Variants in APBB2 observed in about 807,000 individuals in gnomAD.
The protein encoded by APBB2 is Fe65-like 1.
In APBB2, 38 loss-of-function variants were observed where a neutral mutation model predicts 82.5. The observed-to-expected ratio is 0.46, with a 90% confidence interval of 0.36 to 0.60. APBB2 has a LOEUF of 0.60. Ranked by LOEUF, APBB2 falls within the 20% of genes least tolerant of loss-of-function variation. The pLI, the probability that APBB2 is intolerant of heterozygous loss-of-function variation, is 0.00. For synonymous variants in APBB2, 341 were observed against 368.2 expected, an observed-to-expected ratio of 0.93 and a Z score of 0.85; for missense variants, 772 against 972.3, an observed-to-expected ratio of 0.79 and a Z score of 2.74.
At chr4:41,113,849 G>A (rs1360434959) in intron 2 of APBB2, 1 of 152,138 alleles carries the variant, frequency 6.6e-6, no homozygotes, top group East Asian at 1.9e-4. Flanking sequence ...AGTACTTTGG[G>A]AGGCAGAGGT....
chr4:40,982,074 A>G (rs1460799467), intron 6 of APBB2, among the ~76,000 whole-genome samples: 2 of 151,280 alleles, frequency 1.3e-5, no homozygotes, highest in African/African-American at 4.9e-5. Context: ...AATCCCAGCT[A>G]CTTGGGAGGC....
At chr4:41,030,574 G>A (rs535742393) in intron 5 of APBB2, among the ~76,000 whole-genome samples, 18 of 152,172 alleles carry the variant, frequency 1.2e-4, no homozygotes, top group Non-Finnish European at 1.8e-4. Context: ...TCTCTTCCCT[G>A]CTCAATTTCT....
intron 6 of APBB2, among the ~76,000 whole-genome samples, chr4:40,959,254 G>A (rs924792335): frequency 1.3e-5 from 2 of 152,150 alleles, no homozygotes; most frequent in Non-Finnish European, 2.9e-5. Flanking sequence ...CAGGAGAAGA[G>A]AAGACAAAAT....
At position 40,866,769 on chromosome 4, in the gene APBB2, G is replaced by C. The variant is rs551869512; in HGVS notation, c.1529+23595C>G. 1.4e-3 allele frequency among the ~76,000 whole-genome samples: 218 copies of C among 152,128 alleles called. 1 individual carries two copies. Among genetic ancestry groups the C allele is most frequent in the African/African-American group, 5.0e-3 (207 of 41,498 alleles). On this transcript the variant is annotated intron_variant, in intron 12 of 17. Coordinates refer to ENST00000508593, the MANE Select transcript of APBB2 (RefSeq NM_004307.2). ...GTCTCGCTCTGTCACCCAGGCTGGA[G>C]TGCAGTGGTACGATCTCTACTCACT...
chr4:41,147,470 T>C (rs1407311574), intron 1 of APBB2, among the ~76,000 whole-genome samples: 1 of 150,480 alleles, frequency 6.6e-6, no homozygotes, highest in African/African-American at 2.4e-5. Context: ...GGATCTTCAA[T>C]GTTTGGCCAG....
intron 12 of APBB2, among the ~76,000 whole-genome samples, chr4:40,886,521 G>A (rs1486996152): frequency 6.6e-6 from 1 of 152,090 alleles, no homozygotes; most frequent in African/African-American, 2.4e-5. Flanking sequence ...TGTTTGCTTG[G>A]CTTTGGTACT....
In APBB2 at chr4:41,013,782, G is replaced by A; in HGVS notation, c.636C>T (p.Asn212=). 1 of 1,614,220 alleles carries A rather than the reference G, an allele frequency of 6.2e-7. No homozygotes were observed. Among genetic ancestry groups the A allele is most frequent in the South Asian group, 1.1e-5 (1 of 91,082 alleles). ...GNGDLLLQKP[N]RPQSSPEDGQ... The stretch of plus-strand genomic sequence containing the variant: ...CGTCTTCAGGGCTGGACTGGGGTCT[G>A]TTTGGTTTCTGCAGCAGCAAATCGC... Residue 212 remains asparagine (N), a synonymous_variant, in exon 6 of 18, where the codon AAC becomes AAT. Transcript: ENST00000508593.
At chr4:41,049,708 A>G (rs1265265633) in intron 4 of APBB2, among the ~76,000 whole-genome samples, 1 of 152,222 alleles carries the variant, frequency 6.6e-6, no homozygotes, top group Non-Finnish European at 1.5e-5. Context: ...AAATGTGGGG[A>G]AAAGATACAG....
chr4:41,079,387 C>T (rs921750930), intron 3 of APBB2, among the ~76,000 whole-genome samples: 4 of 152,098 alleles, frequency 2.6e-5, no homozygotes, highest in African/African-American at 9.7e-5. Flanking sequence ...AGATAGGTAG[C>T]CATCCACTGA....
At chr4:41,124,170 AC>A (rs1753714051) in intron 2 of APBB2, among the ~76,000 whole-genome samples, 1 of 152,216 alleles carries the variant, frequency 6.6e-6, no homozygotes, top group Non-Finnish European at 1.5e-5. Flanking sequence ...TTCAGCTGTC[AC>A]AAAATTCTTC....
chr4:41,027,491 T>C (rs185527461), intron 5 of APBB2, among the ~76,000 whole-genome samples: 1 of 151,508 alleles, frequency 6.6e-6, no homozygotes, highest in Admixed American at 6.6e-5. Context: ...TTCTAAATTC[T>C]CCACATCCTT....
intron 10 of APBB2, among the ~76,000 whole-genome samples, chr4:40,928,428 A>T (rs373137686): frequency 7.4e-5 from 4 of 54,082 alleles, no homozygotes; most frequent in African/African-American, 2.6e-4. Flanking sequence ...ACACACACAC[A>T]ATCAGCCAGG....
intron 6 of APBB2, among the ~76,000 whole-genome samples, chr4:40,959,185 C>G (rs1560386772): frequency 6.6e-6 from 1 of 152,190 alleles, no homozygotes; most frequent in Non-Finnish European, 1.5e-5. Flanking sequence ...GCCCCGCTGC[C>G]ACATCCTCTG....
At chr4:41,065,478 T>A (rs1731392794) in intron 4 of APBB2, 98 bp downstream of exon 4, 1 of 152,176 alleles carries the variant, frequency 6.6e-6, no homozygotes, top group African/African-American at 2.4e-5. Context: ...ACATCCTTAT[T>A]TAAACCTTTA....
intron 12 of APBB2, chr4:40,857,099 C>G (rs560298624): frequency 8.6e-5 from 85 of 985,522 alleles, no homozygotes; most frequent in Non-Finnish European, 9.9e-5. Context: ...AGGGTGCCGG[C>G]ACCAGCCAGC....
intron 6 of APBB2, among the ~76,000 whole-genome samples, chr4:40,977,318 G>GTTT (rs60943146): frequency 1.4e-5 from 2 of 145,368 alleles, no homozygotes; most frequent in East Asian, 2.0e-4. Context: ...CAATATAGTT[G>GTTT]TTTTTTTTTT....
At chr4:41,214,150 T>A (rs1780050352) in intron 1 of APBB2, among the ~76,000 whole-genome samples, 1 of 152,120 alleles carries the variant, frequency 6.6e-6, no homozygotes, top group Non-Finnish European at 1.5e-5. Context: ...CCACTGGCCC[T>A]GCGGCGCGGG....
chr4:40,998,144 G>T (rs1338610162), intron 6 of APBB2, among the ~76,000 whole-genome samples: 1 of 152,204 alleles, frequency 6.6e-6, no homozygotes, highest in African/African-American at 2.4e-5. Context: ...GCAAAAATCA[G>T]AATTTTGGAA....
rs184170203 is a variant in APBB2 at position 40,886,574 on chromosome 4, T to A, written c.1529+3790A>T. On this transcript the variant is annotated intron_variant, in intron 12 of 17. Coordinates refer to ENST00000508593, the MANE Select transcript of APBB2 (RefSeq NM_004307.2). ...AGGAAGGTGCTCGCCAGGGTCTGAG[T>A]GAATAAGAAGAACGCTGAGGCCGGA... Among the ~76,000 whole-genome samples the A allele has an allele frequency of 3.3e-3, 492 of 151,306 alleles. 3 individuals carry two copies. The highest frequency in any genetic ancestry group is 0.011 in the African/African-American group (461 of 41,178).
Sources: allele counts gnomAD v4.1 joint callset (sites outside exome capture counted in the v4.1 genomes callset), GRCh38; gene constraint gnomAD v4.1.1; transcripts MANE v1.5; gene names NCBI Gene and HGNC (gene_info 2026-07-23, HGNC 2026-07-21).